Variants in SPOCK1 observed in about 807,000 individuals in gnomAD.
SPOCK1 encodes the protein testican-1.
In SPOCK1, 23 loss-of-function variants were observed where a neutral mutation model predicts 55.3. The observed-to-expected ratio is 0.42, with a 90% confidence interval of 0.30 to 0.59. The LOEUF (loss-of-function observed/expected upper bound fraction) is 0.59, where lower values mean the gene tolerates loss of function less well. Ranked by LOEUF, SPOCK1 falls within the 20% of genes least tolerant of loss-of-function variation. SPOCK1 has a pLI of 0.22. For missense variants in SPOCK1, 499 were observed against 552.5 expected, an observed-to-expected ratio of 0.90 and a Z score of 0.97; for synonymous variants, 226 against 221.0, an observed-to-expected ratio of 1.02 and a Z score of -0.20.
At chr5:137,190,786 C>A (rs924705428) in intron 3 of SPOCK1, among the ~76,000 whole-genome samples, 1 of 152,208 alleles carries the variant, frequency 6.6e-6, no homozygotes, top group Non-Finnish European at 1.5e-5. Context: ...ACTTGCCTCC[C>A]CAGAGCTCCT....
chr5:137,332,406 G>A (rs1758203491), intron 2 of SPOCK1, among the ~76,000 whole-genome samples: 1 of 152,122 alleles, frequency 6.6e-6, no homozygotes, highest in Non-Finnish European at 1.5e-5. Flanking sequence ...AACTCTGTGT[G>A]CTTCATCCAC....
intron 3 of SPOCK1, among the ~76,000 whole-genome samples, chr5:137,208,092 T>C (rs1410286728): frequency 6.6e-6 from 1 of 152,144 alleles, no homozygotes. Flanking sequence ...ATAATCCCAA[T>C]TTAAATGTCT....
chr5:137,211,662 A>G (rs1207962964), intron 3 of SPOCK1, among the ~76,000 whole-genome samples: 2 of 152,172 alleles, frequency 1.3e-5, no homozygotes, highest in African/African-American at 4.8e-5. Context: ...AGGAATGAAT[A>G]GAGGGTTGGG....
At chr5:137,485,743 C>T (rs1012495843) in intron 2 of SPOCK1, among the ~76,000 whole-genome samples, 1 of 151,184 alleles carries the variant, frequency 6.6e-6, no homozygotes, top group African/African-American at 2.4e-5. Context: ...AAAAAAAGTA[C>T]AACAAATTTA....
intron 6 of SPOCK1, among the ~76,000 whole-genome samples, chr5:137,020,241 A>G (rs1751540293): frequency 6.6e-6 from 1 of 151,886 alleles, no homozygotes; most frequent in South Asian, 2.1e-4. Flanking sequence ...CCAAGACAAA[A>G]AGGATAAAGA....
At chr5:136,990,908 G>A (rs1750937468) in intron 7 of SPOCK1, among the ~76,000 whole-genome samples, 1 of 152,090 alleles carries the variant, frequency 6.6e-6, no homozygotes, top group Admixed American at 6.5e-5. Flanking sequence ...TGTCATGCAG[G>A]AGAAAGGAGA....
At chr5:137,182,485 T>C (rs771956451) in intron 3 of SPOCK1, among the ~76,000 whole-genome samples, 16 of 152,206 alleles carry the variant, frequency 1.1e-4, no homozygotes, top group Non-Finnish European at 1.9e-4. Flanking sequence ...TACCTACTAT[T>C]ATAATCCCTT....
At chr5:137,008,305 C>CACACACAT (rs1554092581) in intron 6 of SPOCK1, among the ~76,000 whole-genome samples, 1 of 150,260 alleles carries the variant, frequency 6.7e-6, no homozygotes, top group African/African-American at 2.5e-5. Flanking sequence ...TACACACACA[C>CACACACAT]ACACACACAC....
At chr5:137,341,550 G>T (rs1031399370) in intron 2 of SPOCK1, among the ~76,000 whole-genome samples, 2 of 152,230 alleles carry the variant, frequency 1.3e-5, no homozygotes, top group African/African-American at 4.8e-5. Context: ...AGAAGGACGT[G>T]TGTGAACTAA....
intron 2 of SPOCK1, among the ~76,000 whole-genome samples, chr5:137,393,166 G>C (rs1751763603): frequency 6.6e-6 from 1 of 152,144 alleles, no homozygotes; most frequent in Admixed American, 6.5e-5. Context: ...TAGATCAATT[G>C]CATTAGGGGT....
intron 3 of SPOCK1, among the ~76,000 whole-genome samples, chr5:137,243,193 C>T (rs1333636279): frequency 1.3e-5 from 2 of 152,188 alleles, no homozygotes; most frequent in Non-Finnish European, 2.9e-5. Context: ...TTCCTTGGCT[C>T]GTTCTTGAGC....
chr5:136,986,694 C>CA (rs972968605), intron 8 of SPOCK1, among the ~76,000 whole-genome samples: 30 of 151,486 alleles, frequency 2.0e-4, no homozygotes, highest in Admixed American at 1.8e-3. Flanking sequence ...GAATATAGTG[C>CA]AAAAAAACAC....
In SPOCK1 at chr5:136,978,564, C is replaced by G. The variant is rs1750661281; in HGVS notation, c.*90G>C. 2.8e-6 allele frequency: 4 copies of G among 1,407,664 alleles called. No homozygotes were observed. The highest frequency in any genetic ancestry group is 2.9e-6 in the Non-Finnish European group (3 of 1,037,804). The allele number at this position is 1,407,664 out of a possible 1,614,324, so 87.2% of individuals were successfully genotyped here. A position where few individuals can be genotyped will look rare whatever the true frequency, so the allele number is the denominator to read the frequency against. On this transcript the variant is annotated 3_prime_UTR_variant, in exon 11 of 11. Transcript: ENST00000394945. ...ATAGAGAGCAACAATGGAGAAGAGA[C>G]CTTGGTGCCTTGGAGTCTTAGATAC...
chr5:137,218,576 C>A (rs1170337747), intron 3 of SPOCK1, among the ~76,000 whole-genome samples: 1 of 152,192 alleles, frequency 6.6e-6, no homozygotes, highest in Admixed American at 6.5e-5. Flanking sequence ...AACAACAATG[C>A]CACTTATTTA....
intron 3 of SPOCK1, among the ~76,000 whole-genome samples, chr5:137,230,424 G>C (rs1218498348): frequency 1.3e-5 from 2 of 152,116 alleles, no homozygotes; most frequent in African/African-American, 4.8e-5. Flanking sequence ...CTATTAAAAA[G>C]CAAACACTCA....
intron 5 of SPOCK1, among the ~76,000 whole-genome samples, chr5:137,099,248 G>T (rs1753213801): frequency 6.6e-6 from 1 of 152,142 alleles, no homozygotes; most frequent in Non-Finnish European, 1.5e-5. Context: ...ACAAACGTGG[G>T]TGACTGGAAG....
chr5:137,056,260 T>A lies in SPOCK1; in HGVS notation c.589+11455A>T, dbSNP rs577069210. Among the ~76,000 whole-genome samples the A allele has an allele frequency of 8.6e-5, 13 of 150,990 alleles. No individual in the cohort carries two copies. In the East Asian group the frequency reaches 2.4e-3, roughly 27 times the overall value. ...GGACGCTGTTGCAGCTACACAACCA[T>A]GTGGGGGTGGGGGACAGGGGGTCTA... On this transcript the variant is annotated intron_variant, in intron 6 of 10. Transcript: ENST00000394945.
chr5:137,101,900 C>T (rs1276194091), intron 5 of SPOCK1, among the ~76,000 whole-genome samples: 2 of 152,140 alleles, frequency 1.3e-5, no homozygotes, highest in Admixed American at 6.5e-5. Flanking sequence ...GATCACATTC[C>T]CATAGATGAA....
chr5:137,431,491 G>T (rs1004500479), intron 2 of SPOCK1, among the ~76,000 whole-genome samples: 3 of 152,200 alleles, frequency 2.0e-5, no homozygotes, highest in Non-Finnish European at 2.9e-5. Flanking sequence ...GATATGGTTT[G>T]TTTGTCCCCA....
Sources: gnomAD v4.1 joint callset for allele counts (sites outside exome capture counted in the v4.1 genomes callset) on GRCh38, gnomAD v4.1.1 for gene constraint, MANE v1.5 for transcripts, NCBI Gene and HGNC (gene_info 2026-07-23, HGNC 2026-07-21) for gene names.